Variants in SYN3 observed in about 807,000 individuals in gnomAD.
SYN3 encodes synapsin-3.
Under a neutral mutation model 65.8 loss-of-function variants are expected in SYN3, and 35 were observed. That is an observed-to-expected ratio of 0.53 (90% CI 0.41 to 0.70). SYN3 has a LOEUF of 0.70. Among genes scored for constraint, SYN3 ranks in the 30% least tolerant of loss-of-function variants. The pLI is 0.00. For synonymous variants in SYN3, 270 were observed against 292.9 expected (o/e 0.92, Z 0.80); for missense variants, 680 against 749.0 (o/e 0.91, Z 1.08).
At chr22:32,599,484 G>C (rs2059250797) in intron 6 of SYN3, among the ~76,000 whole-genome samples, 1 of 151,990 alleles carries the variant, frequency 6.6e-6, no homozygotes, top group Non-Finnish European at 1.5e-5. Flanking sequence ...ACCATGCCCG[G>C]CTAATTTTTT....
At chr22:32,708,034 C>T (rs1328505918) in intron 6 of SYN3, among the ~76,000 whole-genome samples, 1 of 152,196 alleles carries the variant, frequency 6.6e-6, no homozygotes, top group Non-Finnish European at 1.5e-5. Context: ...AGGATCTCCC[C>T]ATCTATGACA....
intron 6 of SYN3, among the ~76,000 whole-genome samples, chr22:32,608,428 GT>G (rs886787611): frequency 6.6e-6 from 1 of 152,220 alleles, no homozygotes; most frequent in African/African-American, 2.4e-5. Flanking sequence ...TCAGAAAATA[GT>G]TGAATAACAA....
intron 6 of SYN3, among the ~76,000 whole-genome samples, chr22:32,604,611 A>ATACTC (rs1555907203): frequency 6.6e-6 from 1 of 151,842 alleles, no homozygotes. Context: ...TCTGTCCCTG[A>ATACTC]AAAGCCCTCC....
At chr22:32,551,506 C>G (rs142826288) in intron 7 of SYN3, among the ~76,000 whole-genome samples, 2,005 of 143,078 alleles carry the variant, frequency 0.014, 47 homozygotes, top group African/African-American at 0.05. Context: ...GGCCTCCCCC[C>G]ACCAACAAAT....
rs185617231 is a variant in SYN3 at position 32,509,285 on chromosome 22, G to A, written c.*4407C>T. Among the ~76,000 whole-genome samples, 23 of 152,270 alleles carry A rather than the reference G, an allele frequency of 1.5e-4. No homozygotes were observed. Among genetic ancestry groups the A allele is most frequent in the Admixed American group, 1.2e-3 (19 of 15,304 alleles). On this transcript the variant is annotated 3_prime_UTR_variant, in exon 14 of 14. Transcript: ENST00000358763. ...GTCTTTGTTGTGTTTCAGCTTCCCC[G>A]AGTCAGCTTGGAGGGAAAATGCTAG...
chr22:32,941,229 A>G (rs1601743269), intron 3 of SYN3, among the ~76,000 whole-genome samples: 1 of 152,324 alleles, frequency 6.6e-6, no homozygotes, highest in East Asian at 1.9e-4. Flanking sequence ...ATTCTTTTAG[A>G]TCATCACCTA....
At chr22:32,571,960 T>G (rs1437293377) in intron 7 of SYN3, among the ~76,000 whole-genome samples, 1 of 152,044 alleles carries the variant, frequency 6.6e-6, no homozygotes, top group African/African-American at 2.4e-5. Context: ...GTTTCTGCCC[T>G]TAAGGTCTAG....
chr22:32,865,126 T>A, intron 5 of SYN3, 122 bp from the exon 6 acceptor site: 1 of 728,258 alleles, frequency 1.4e-6, no homozygotes, highest in Non-Finnish European at 2.4e-6. Context: ...GGTGCTATCC[T>A]ACCCTGCCTA....
At chr22:32,749,299 C>CG (rs1459395030) in intron 6 of SYN3, among the ~76,000 whole-genome samples, 1 of 97,684 alleles carries the variant, frequency 1.0e-5, no homozygotes, top group African/African-American at 4.5e-5. Flanking sequence ...TCCCAAAGCC[C>CG]CCCCCCCACC....
chr22:32,886,142 GCTAAGTGTGTTTA>G (rs1267484690), intron 4 of SYN3, among the ~76,000 whole-genome samples: 1 of 152,160 alleles, frequency 6.6e-6, no homozygotes, highest in Non-Finnish European at 1.5e-5. Flanking sequence ...GAACAATATT[GCTAAGTGTGTTTA>G]CAATGACACA....
At chr22:32,940,275 T>C (rs1374160569) in intron 3 of SYN3, among the ~76,000 whole-genome samples, 1 of 152,220 alleles carries the variant, frequency 6.6e-6, no homozygotes, top group African/African-American at 2.4e-5. Flanking sequence ...GCTGGATATA[T>C]TCATTTGGAA....
chr22:32,919,543 C>A (rs2050280727), intron 4 of SYN3, among the ~76,000 whole-genome samples: 1 of 152,102 alleles, frequency 6.6e-6, no homozygotes, highest in Admixed American at 6.6e-5. Context: ...CACACAGGTA[C>A]CTGGGAGTGA....
chr22:32,626,649 T>A (rs2059670438), intron 6 of SYN3, among the ~76,000 whole-genome samples: 1 of 152,084 alleles, frequency 6.6e-6, no homozygotes, highest in Non-Finnish European at 1.5e-5. Flanking sequence ...GGGAGAAGTG[T>A]GGGAGCACAG....
chr22:32,567,585 A>G (rs2058691490), intron 7 of SYN3, among the ~76,000 whole-genome samples: 1 of 152,144 alleles, frequency 6.6e-6, no homozygotes, highest in Non-Finnish European at 1.5e-5. Context: ...AAAAATTGGG[A>G]TGGACTGATA....
chr22:32,533,433 CA>C (rs2058110195), intron 10 of SYN3, among the ~76,000 whole-genome samples: 1 of 152,116 alleles, frequency 6.6e-6, no homozygotes, highest in East Asian at 1.9e-4. Flanking sequence ...GCATGGTGAC[CA>C]AGGAAGGTGC....
intron 6 of SYN3, among the ~76,000 whole-genome samples, chr22:32,768,056 CT>C (rs11320364): frequency 0.036 from 5,421 of 152,190 alleles, 321 homozygotes; most frequent in African/African-American, 0.12. Context: ...AGTATCATTT[CT>C]CTTCCAGTTA....
intron 7 of SYN3, among the ~76,000 whole-genome samples, chr22:32,561,743 C>G (rs9621492): frequency 6.6e-6 from 1 of 152,148 alleles, no homozygotes; most frequent in African/African-American, 2.4e-5. Context: ...CTGTTTCCCA[C>G]GAAGAGCATG....
intron 3 of SYN3, among the ~76,000 whole-genome samples, chr22:32,979,907 T>C (rs972908918): frequency 1.3e-5 from 2 of 152,138 alleles, no homozygotes; most frequent in African/African-American, 4.8e-5. Context: ...CTCCAGAACC[T>C]ATGCTCAAAT....
chr22:32,794,346 T>C (rs2145893465), intron 6 of SYN3, among the ~76,000 whole-genome samples: 1 of 152,250 alleles, frequency 6.6e-6, no homozygotes, highest in Admixed American at 6.5e-5. Flanking sequence ...GACAATGAAA[T>C]ACCTCACGGG....
Sources: gnomAD v4.1 joint callset for allele counts (sites outside exome capture counted in the v4.1 genomes callset) on GRCh38, gnomAD v4.1.1 for gene constraint, MANE v1.5 for transcripts, NCBI Gene and HGNC (gene_info 2026-07-23, HGNC 2026-07-21) for gene names.